DLG2: variants seen among roughly 807,000 people sequenced by gnomAD.
DLG2 encodes disks large homolog 2.
DLG2 carries 45 observed loss-of-function variants against 132.5 expected under a neutral mutation model. The observed-to-expected ratio is 0.34, with a 90% CI of 0.27 to 0.44. DLG2 has a LOEUF of 0.44. DLG2 is among the 20% of genes least tolerant of loss of function. The pLI, the probability that DLG2 is intolerant of heterozygous loss-of-function variation, is 1.00. For missense variants in DLG2, 1,045 were observed against 1,196.9 expected, an observed-to-expected ratio of 0.87 and a Z score of 1.87; for synonymous variants, 424 against 419.6, an observed-to-expected ratio of 1.01 and a Z score of -0.13.
chr11:83,634,027 T>C (rs931977605), intron 18 of DLG2, among the ~76,000 whole-genome samples: 1 of 152,056 alleles, frequency 6.6e-6, no homozygotes, highest in Non-Finnish European at 1.5e-5. Context: ...GGAGAGACTC[T>C]AGTTACTCTC....
chr11:83,860,715 T>C (rs1027770536), intron 16 of DLG2, among the ~76,000 whole-genome samples: 5 of 152,178 alleles, frequency 3.3e-5, no homozygotes, highest in Non-Finnish European at 7.4e-5. Context: ...TGTTAGGACA[T>C]GACATTTGGA....
intron 7 of DLG2, among the ~76,000 whole-genome samples, chr11:84,372,860 G>A (rs141083263): frequency 8.1e-4 from 124 of 152,176 alleles, no homozygotes; most frequent in African/African-American, 2.8e-3. Context: ...ATCTAAGTTT[G>A]TGATTCAGTA....
At chr11:85,492,578 C>G (rs932721373) in intron 3 of DLG2, among the ~76,000 whole-genome samples, 1 of 152,126 alleles carries the variant, frequency 6.6e-6, no homozygotes, top group Non-Finnish European at 1.5e-5. Context: ...TTTATCATCT[C>G]AAATTCTTTT....
At chr11:84,323,158 T>C (rs1450019124) in intron 7 of DLG2, among the ~76,000 whole-genome samples, 2 of 152,076 alleles carry the variant, frequency 1.3e-5, no homozygotes, top group African/African-American at 2.4e-5. Flanking sequence ...TTTTTCACCA[T>C]GCATGATTAA....
chr11:83,976,562 A>G (rs911139592), intron 12 of DLG2, among the ~76,000 whole-genome samples: 1 of 151,880 alleles, frequency 6.6e-6, no homozygotes, highest in Admixed American at 6.6e-5. Flanking sequence ...TTTGGGTTGA[A>G]GCAAGATAAT....
At chr11:83,989,840 G>A (rs1465379696) in intron 11 of DLG2, among the ~76,000 whole-genome samples, 2 of 152,170 alleles carry the variant, frequency 1.3e-5, no homozygotes, top group South Asian at 2.1e-4. Context: ...GAAGATTTGT[G>A]TAAGGAACAC....
rs555616476 is a variant in DLG2, at chr11:85,345,617, A to C, written c.41-60252T>G. Among the ~76,000 whole-genome samples the C allele has an allele frequency of 1.3e-4, 20 of 152,242 alleles. 1 individual carries two copies. The highest frequency in any genetic ancestry group is 4.3e-4 in the African/African-American group (18 of 41,490). ...TTATCCTTTCACTGGGCCATGCTGCATGGCTGCAAGACCTTTCATATTCCC... is the reference window on the plus strand; with the variant it reads ...TTATCCTTTCACTGGGCCATGCTGCCTGGCTGCAAGACCTTTCATATTCCC... On this transcript the variant is annotated intron_variant, in intron 3 of 27. Transcript: ENST00000376104.
intron 7 of DLG2, among the ~76,000 whole-genome samples, chr11:84,502,269 T>C (rs2099215304): frequency 1.8e-5 from 1 of 57,090 alleles, no homozygotes; most frequent in Non-Finnish European, 3.1e-5. Flanking sequence ...CTTCCTTCCT[T>C]CCTTCCTTCC....
At chr11:83,540,661 A>G (rs1180600912) in intron 20 of DLG2, among the ~76,000 whole-genome samples, 1 of 152,150 alleles carries the variant, frequency 6.6e-6, no homozygotes, top group East Asian at 1.9e-4. Flanking sequence ...CCATCTCCCC[A>G]TTATGGTTTG....
chr11:84,631,729 G>C (rs1410212488), intron 6 of DLG2, among the ~76,000 whole-genome samples: 1 of 152,158 alleles, frequency 6.6e-6, no homozygotes, highest in African/African-American at 2.4e-5. Context: ...TGAAAAGAAA[G>C]TTTTAAAATG....
chr11:83,890,402 G>T (rs1236626999), intron 15 of DLG2, among the ~76,000 whole-genome samples: 1 of 152,164 alleles, frequency 6.6e-6, no homozygotes, highest in East Asian at 1.9e-4. Flanking sequence ...AATGAACTCA[G>T]TGGCCCTAGA....
intron 3 of DLG2, among the ~76,000 whole-genome samples, chr11:85,347,886 C>A (rs2082967424): frequency 6.8e-6 from 1 of 146,140 alleles, no homozygotes; most frequent in South Asian, 2.2e-4. Context: ...ACATTGCAGC[C>A]TCGACCTCCT....
intron 10 of DLG2, among the ~76,000 whole-genome samples, chr11:84,069,770 CT>C (rs1472093925): frequency 6.6e-6 from 1 of 152,202 alleles, no homozygotes; most frequent in Non-Finnish European, 1.5e-5. Flanking sequence ...AGTGATTGGT[CT>C]TTTGGCACTT....
intron 7 of DLG2, among the ~76,000 whole-genome samples, chr11:84,420,650 C>CTTTT (rs768420271): frequency 0.045 from 1,882 of 42,176 alleles, 807 homozygotes; most frequent in East Asian, 0.074. Context: ...TGCTTGTTTT[C>CTTTT]TTTTTTTTTT....
At chr11:84,427,932 T>C (rs2098972218) in intron 7 of DLG2, among the ~76,000 whole-genome samples, 1 of 152,210 alleles carries the variant, frequency 6.6e-6, no homozygotes, top group African/African-American at 2.4e-5. Context: ...GAACAGTGAA[T>C]GGTATGATAG....
chr11:84,530,642 G>T (rs186000884), intron 7 of DLG2, among the ~76,000 whole-genome samples: 2 of 152,302 alleles, frequency 1.3e-5, no homozygotes, highest in Admixed American at 1.3e-4. Context: ...TGGTGAGGTT[G>T]CAGTGAAAAG....
At position 85,109,609 on chromosome 11, in the gene DLG2, TGTGAAA is replaced by T. The variant is rs2072374731; in HGVS notation, c.357+2046_357+2051del. On this transcript the variant is annotated intron_variant, in intron 6 of 27. Transcript: ENST00000376104. ...AACAAGACTGCACAAAGTAATAAAA[TGTGAAA>T]GTTCTTATATTAATATTTTGGGCTG... Among the ~76,000 whole-genome samples, 2 of 152,138 alleles carry T rather than the reference TGTGAAA, an allele frequency of 1.3e-5. 1 individual carries two copies. The highest frequency in any genetic ancestry group is 4.1e-4 in the South Asian group (2 of 4,832).
intron 6 of DLG2, among the ~76,000 whole-genome samples, chr11:84,866,337 G>C (rs1311825843): frequency 6.6e-6 from 1 of 152,134 alleles, no homozygotes; most frequent in Non-Finnish European, 1.5e-5. Flanking sequence ...ACCCATGTGA[G>C]GAGACCAAAG....
At chr11:84,100,773 G>C (rs1409337717) in intron 9 of DLG2, among the ~76,000 whole-genome samples, 4 of 152,034 alleles carry the variant, frequency 2.6e-5, no homozygotes, top group Non-Finnish European at 1.5e-5. Flanking sequence ...AGTCAGAAAG[G>C]TTCAATGTCA....
Sources: allele counts gnomAD v4.1 joint callset (sites outside exome capture counted in the v4.1 genomes callset), GRCh38; gene constraint gnomAD v4.1.1; transcripts MANE v1.5; gene names NCBI Gene and HGNC (gene_info 2026-07-23, HGNC 2026-07-21).